SLC5A4: variants seen among roughly 807,000 people sequenced by gnomAD.
The protein encoded by SLC5A4 is solute carrier family 5 member 4.
Under a neutral mutation model 70.3 loss-of-function variants are expected in SLC5A4, and 55 were observed. That is an observed-to-expected ratio of 0.78 (90% CI 0.63 to 0.98). The LOEUF is 0.98. SLC5A4 is among the 50% of genes least tolerant of loss of function. The probability of loss-of-function intolerance (pLI) is 0.00; values close to 1 mark genes in which losing one functional copy is unlikely to be tolerated. For synonymous variants in SLC5A4, 268 were observed against 305.7 expected, an observed-to-expected ratio of 0.88 and a Z score of 1.29; for missense variants, 735 against 839.2, an observed-to-expected ratio of 0.88 and a Z score of 1.53.
chr22:32,227,745 G>T (rs1039848396), intron 11 of SLC5A4, among the ~76,000 whole-genome samples: 6 of 152,070 alleles, frequency 3.9e-5, no homozygotes, highest in Non-Finnish European at 7.4e-5. Flanking sequence ...AGACCATCTG[G>T]CCAACATGGT....
chr22:32,354,136 G>T, the SLC5A4 span, among the ~76,000 whole-genome samples: 2 of 122,288 alleles, frequency 1.6e-5, no homozygotes, highest in African/African-American at 6.3e-5. Context: ...CACCCAACCC[G>T]CCCCCTCCCA....
the SLC5A4 span, among the ~76,000 whole-genome samples, chr22:32,316,104 GTCTGA>G: frequency 1.1e-5 from 1 of 87,748 alleles, no homozygotes; most frequent in Non-Finnish European, 2.2e-5. Context: ...AGGAGACTCT[GTCTGA>G]AAAAAAAAAA....
chr22:32,307,084 C>T, the SLC5A4 span, among the ~76,000 whole-genome samples: 543 of 152,192 alleles, frequency 3.6e-3, 2 homozygotes, highest in African/African-American at 0.012. Flanking sequence ...CAAGGGTAAC[C>T]ATTCTCAGTG....
In SLC5A4 at chr22:32,224,269, G is replaced by A; in HGVS notation, c.1663C>T (p.His555Tyr). The A allele has an allele frequency of 3.7e-6, 6 of 1,605,980 alleles. No homozygotes were observed. Among genetic ancestry groups the A allele is most frequent in the Non-Finnish European group, 5.1e-6 (6 of 1,172,704 alleles). ...SLLTKPIPDVHLYRLCWVLRN... is the reference protein window; with the variant it reads ...SLLTKPIPDVYLYRLCWVLRN... ...TGTATTCATTACTCATCACTCACAT[G>A]TACATCAGGAATGGGTTTTGTTAAG... Residue 555 changes from histidine to tyrosine, a missense_variant and splice_region_variant, in exon 13 of 15, where the codon CAT (histidine) becomes TAT (tyrosine). Transcript: ENST00000266086.
chr22:32,264,435 C>T, the SLC5A4 span, among the ~76,000 whole-genome samples: 1 of 151,944 alleles, frequency 6.6e-6, no homozygotes, highest in Non-Finnish European at 1.5e-5. Flanking sequence ...GTTCGTTGGG[C>T]ATGGTGGCAT....
the SLC5A4 span, among the ~76,000 whole-genome samples, chr22:32,313,622 C>T: frequency 6.6e-6 from 1 of 152,156 alleles, no homozygotes; most frequent in Non-Finnish European, 1.5e-5. Context: ...AAGTTGCAAA[C>T]AAGACAATGA....
At chr22:32,331,794 GC>G in the SLC5A4 span, among the ~76,000 whole-genome samples, 14 of 152,056 alleles carry the variant, frequency 9.2e-5, no homozygotes, top group Non-Finnish European at 2.1e-4. Context: ...CCCCTCGGCT[GC>G]CCTGATCCTC....
chr22:32,231,176 C>A, intron 9 of SLC5A4, 101 bp from the exon 10 acceptor site: 1 of 741,894 alleles, frequency 1.3e-6, no homozygotes, highest in Non-Finnish European at 2.4e-6. Context: ...GAAGGAAAGA[C>A]ATTTGCCTGG....
the SLC5A4 span, among the ~76,000 whole-genome samples, chr22:32,326,057 G>A: frequency 6.6e-6 from 1 of 152,256 alleles, no homozygotes; most frequent in Non-Finnish European, 1.5e-5. Flanking sequence ...AGGTAACAGA[G>A]CACCTGGCAA....
chr22:32,349,275 C>A, the SLC5A4 span, among the ~76,000 whole-genome samples: 1 of 152,170 alleles, frequency 6.6e-6, no homozygotes, highest in South Asian at 2.1e-4. Flanking sequence ...GCCCGGCCTT[C>A]CCACGCCTTT....
intron 7 of SLC5A4, among the ~76,000 whole-genome samples, chr22:32,236,888 T>A (rs1403699920): frequency 1.3e-5 from 2 of 151,966 alleles, no homozygotes; most frequent in Non-Finnish European, 2.9e-5. Context: ...ATATTTTTAG[T>A]AGAGACGGGG....
chr22:32,349,372 G>A, the SLC5A4 span, among the ~76,000 whole-genome samples: 13 of 152,340 alleles, frequency 8.5e-5, no homozygotes, highest in East Asian at 2.5e-3. Flanking sequence ...ATACAAGACA[G>A]AACTGCAGAT....
the SLC5A4 span, among the ~76,000 whole-genome samples, chr22:32,329,863 G>A: frequency 3.4e-5 from 2 of 59,164 alleles, no homozygotes; most frequent in Admixed American, 2.0e-4. Flanking sequence ...GGGCTCTGGT[G>A]TGTGTGTGTT....
chr22:32,312,721 G>A, the SLC5A4 span, among the ~76,000 whole-genome samples: 1 of 151,896 alleles, frequency 6.6e-6, no homozygotes, highest in African/African-American at 2.4e-5. Flanking sequence ...CTACCACCTC[G>A]GCTGTCCCTG....
chr22:32,219,597 T>C (rs1924934800), intron 14 of SLC5A4, among the ~76,000 whole-genome samples: 2 of 89,776 alleles, frequency 2.2e-5, no homozygotes, highest in South Asian at 3.1e-4. Flanking sequence ...TTTCCAGATT[T>C]ACCGGAAATG....
the SLC5A4 span, among the ~76,000 whole-genome samples, chr22:32,285,774 T>C: frequency 1.3e-5 from 2 of 151,964 alleles, no homozygotes; most frequent in African/African-American, 4.8e-5. Flanking sequence ...TCTCACTCTG[T>C]CGCCCAGGCT....
rs775117143 is a variant in SLC5A4, at chr22:32,238,944, C to T, written c.583+41G>A. On this transcript the variant is annotated intron_variant, in intron 6 of 14. Coordinates refer to ENST00000266086, the MANE Select transcript of SLC5A4 (RefSeq NM_014227.3). ...TAATTGCAGGTTGGGGTGGGATCAG[C>T]AAAAGATAGCCTGAGTGAGCAAAAT... 3.5e-6 allele frequency: 5 copies of T among 1,430,566 alleles called. No homozygotes were observed. The African/African-American group carries it at 7.0e-5, about 20-fold the overall frequency. 88.6% of individuals were successfully genotyped at this position (1,430,566 alleles called of 1,614,324 possible). A position where few individuals can be genotyped will look rare whatever the true frequency, so the allele number is the denominator to read the frequency against.
At chr22:32,310,135 G>A in the SLC5A4 span, among the ~76,000 whole-genome samples, 5 of 152,208 alleles carry the variant, frequency 3.3e-5, no homozygotes, top group South Asian at 8.3e-4. Context: ...CTCAAGGGAT[G>A]CTTACGTGAA....
chr22:32,339,398 C>T, the SLC5A4 span, among the ~76,000 whole-genome samples: 1 of 152,200 alleles, frequency 6.6e-6, no homozygotes, highest in Non-Finnish European at 1.5e-5. Context: ...AGGAGAGCTA[C>T]TGGCTTACCT....
Sources: allele counts gnomAD v4.1 joint callset (sites outside exome capture counted in the v4.1 genomes callset), GRCh38; gene constraint gnomAD v4.1.1; transcripts MANE v1.5; gene names NCBI Gene and HGNC (gene_info 2026-07-23, HGNC 2026-07-21).